Variants in ESRRB observed in about 807,000 individuals in gnomAD.
ESRRB encodes steroid hormone receptor ERR2.
A neutral mutation model predicts 46.0 loss-of-function variants in ESRRB; 16 were observed. The observed-to-expected ratio is 0.35, with a 90% confidence interval of 0.24 to 0.53. The LOEUF is 0.53. ESRRB is among the 20% of genes least tolerant of loss of function. The pLI is 0.93. For synonymous variants in ESRRB, 246 were observed against 259.6 expected, an observed-to-expected ratio of 0.95 and a Z score of 0.50; for missense variants, 488 against 607.4, an observed-to-expected ratio of 0.80 and a Z score of 2.07.
At chr14:76,498,139 T>C in intron 6 of ESRRB, 75 bp from the exon 7 acceptor site, 1 of 1,591,344 alleles carries the variant, frequency 6.3e-7, no homozygotes, top group Non-Finnish European at 8.6e-7. Context: ...TGCTGCCTCC[T>C]GGACCCCAAG....
chr14:76,393,942 A>G (rs1885566845), intron 1 of ESRRB, among the ~76,000 whole-genome samples: 1 of 150,746 alleles, frequency 6.6e-6, no homozygotes. Context: ...CTGGGATTAC[A>G]GGCATGCACC....
intron 1 of ESRRB, among the ~76,000 whole-genome samples, chr14:76,381,334 C>G (rs937639577): frequency 3.3e-5 from 5 of 152,096 alleles, no homozygotes; most frequent in Non-Finnish European, 7.4e-5. Flanking sequence ...CCTCACCGGG[C>G]CAGCCTGCCT....
intron 1 of ESRRB, among the ~76,000 whole-genome samples, chr14:76,418,608 G>GTT (rs752123052): frequency 9.2e-5 from 14 of 151,980 alleles, no homozygotes; most frequent in Non-Finnish European, 1.8e-4. Flanking sequence ...GACAGTTTTT[G>GTT]TTTGATTGTT....
chr14:76,353,675 G>C (rs1884340724), intron 1 of ESRRB, among the ~76,000 whole-genome samples: 1 of 152,184 alleles, frequency 6.6e-6, no homozygotes, highest in Non-Finnish European at 1.5e-5. Flanking sequence ...GTAAGGGCTG[G>C]GTGTGGTGGC....
intron 1 of ESRRB, among the ~76,000 whole-genome samples, chr14:76,418,100 C>T (rs2007267): frequency 0.056 from 8,572 of 151,808 alleles, 244 homozygotes; most frequent in South Asian, 0.071. Context: ...GGATTACAGA[C>T]GCCCGCCACC....
At chr14:76,364,505 A>G (rs1018314165) in intron 1 of ESRRB, among the ~76,000 whole-genome samples, 46 of 152,164 alleles carry the variant, frequency 3.0e-4, no homozygotes, top group African/African-American at 1.1e-3. Flanking sequence ...CTTGGCCAAC[A>G]TGGTGAAAAC....
chr14:76,485,649 G>GAC (rs1889983958), intron 5 of ESRRB, among the ~76,000 whole-genome samples: 1 of 151,262 alleles, frequency 6.6e-6, no homozygotes, highest in Non-Finnish European at 1.5e-5. Flanking sequence ...GAGAGAGAGA[G>GAC]AGAGAGAGAG....
At chr14:76,487,786 T>C (rs1407233771) in intron 5 of ESRRB, among the ~76,000 whole-genome samples, 1 of 152,032 alleles carries the variant, frequency 6.6e-6, no homozygotes, top group African/African-American at 2.4e-5. Context: ...AAATTATTTG[T>C]AGAGATGGTG....
chr14:76,365,190 C>G (rs1284433036), intron 1 of ESRRB, among the ~76,000 whole-genome samples: 1 of 152,120 alleles, frequency 6.6e-6, no homozygotes, highest in African/African-American at 2.4e-5. Context: ...AATCACTGTG[C>G]TAAGGCTGGC....
intron 1 of ESRRB, among the ~76,000 whole-genome samples, chr14:76,362,112 G>C (rs775737620): frequency 6.6e-6 from 1 of 152,208 alleles, no homozygotes; most frequent in Non-Finnish European, 1.5e-5. Context: ...CTTCTCCAGA[G>C]TTAAGGTCAG....
intron 2 of ESRRB, among the ~76,000 whole-genome samples, chr14:76,456,695 C>T (rs990344998): frequency 2.0e-5 from 3 of 152,108 alleles, no homozygotes; most frequent in African/African-American, 7.2e-5. Context: ...GCCCAGGGGA[C>T]CTCCAGGTAG....
chr14:76,314,861 C>G (rs1883779463), intron 1 of ESRRB, among the ~76,000 whole-genome samples: 1 of 152,024 alleles, frequency 6.6e-6, no homozygotes, highest in African/African-American at 2.4e-5. Flanking sequence ...CCCTGGCTCC[C>G]CTGGAGAGAG....
chr14:76,439,302 G>A, intron 1 of ESRRB, 39 bp from the exon 2 acceptor site: 1 of 1,608,874 alleles, frequency 6.2e-7, no homozygotes. Context: ...CACACCCACA[G>A]CACCTTGCTG....
In ESRRB at chr14:76,500,055, C is replaced by A. The variant is rs762965573; in HGVS notation, c.*1597C>A. ...GCAGATCTCACCCAGCACTAGGACA[C>A]CAGGAGGCCAGGTAACTTTCTGCAG... On this transcript the variant is annotated 3_prime_UTR_variant, in exon 7 of 7. Transcript: ENST00000644823. 24 of 1,551,002 alleles carry A rather than the reference C, an allele frequency of 1.5e-5. No individual in the cohort carries two copies. In the Admixed American group the frequency reaches 2.9e-4, roughly 19 times the overall value.
intron 2 of ESRRB, among the ~76,000 whole-genome samples, chr14:76,460,762 C>T (rs111939497): frequency 0.14 from 20,679 of 148,974 alleles, 2,283 homozygotes; most frequent in African/African-American, 0.32. Context: ...AGTGCAATGG[C>T]GCAATCTCGG....
In ESRRB at chr14:76,498,300, C is replaced by A. The variant is rs373131497; in HGVS notation, c.1207C>A (p.Arg403Ser). 6.2e-7 allele frequency: 1 copy of A among 1,613,484 alleles called. No homozygotes were observed. The highest frequency in any genetic ancestry group is 1.3e-5 in the African/African-American group (1 of 74,938). Residue 403 changes from arginine to serine, a missense_variant, in exon 7 of 7, where the codon CGC (arginine) becomes AGC (serine). Coordinates refer to ENST00000644823, the MANE Select transcript of ESRRB (RefSeq NM_001379180.1). ...ACTGCAGGACTACGAGCTGAGCCAGCGCCATGAGGAGCCCTGGAGGACGGG... is the reference window on the plus strand; with the variant it reads ...ACTGCAGGACTACGAGCTGAGCCAGAGCCATGAGGAGCCCTGGAGGACGGG... ...EALQDYELSQ[R>S]HEEPWRTGKL... is the part of the protein sequence containing the mutation.
At chr14:76,459,032 A>T (rs1014722660) in intron 2 of ESRRB, among the ~76,000 whole-genome samples, 1 of 151,816 alleles carries the variant, frequency 6.6e-6, no homozygotes, top group Admixed American at 6.6e-5. Context: ...TTTAGTAGAG[A>T]CAGGGTTTCA....
rs1321525716 is a variant in ESRRB at position 76,491,447 on chromosome 14, G to C, written c.851G>C (p.Gly284Ala). Residue 284 changes from glycine (G) to alanine (A), a missense_variant and splice_region_variant, in exon 6 of 7, where the codon GGC becomes GCC. Coordinates refer to ENST00000644823, the MANE Select transcript of ESRRB (RefSeq NM_001379180.1). The part of the protein sequence containing the change: ...VIIGWAKHIP[G>A]FSSLSLGDQM... ...CCCTCTGTGCCCCCTCTTCCTGCAG[G>C]CTTCTCAAGCCTCTCCCTGGGGGAC... 1.9e-6 allele frequency: 3 copies of C among 1,607,132 alleles called. No individual in the cohort carries two copies. Among genetic ancestry groups the C allele is most frequent in the Non-Finnish European group, 2.5e-6 (3 of 1,177,850 alleles).
chr14:76,459,837 C>A (rs932210962), intron 2 of ESRRB, among the ~76,000 whole-genome samples: 3 of 152,136 alleles, frequency 2.0e-5, no homozygotes, highest in African/African-American at 7.2e-5. Flanking sequence ...ACCTCCAGCT[C>A]CCTCCCTGCA....
Sources: allele counts gnomAD v4.1 joint callset (sites outside exome capture counted in the v4.1 genomes callset), GRCh38; gene constraint gnomAD v4.1.1; transcripts MANE v1.5; gene names NCBI Gene and HGNC (gene_info 2026-07-23, HGNC 2026-07-21).